The following JPH1 variants were observed in gnomAD, a reference collection of about 807,000 sequenced individuals.
JPH1 encodes junctophilin-1.
A neutral mutation model predicts 53.6 loss-of-function variants in JPH1; 12 were observed. The ratio of observed to expected loss-of-function variants is 0.22; its 90% confidence interval spans 0.14 to 0.36. JPH1 has a LOEUF of 0.36. Ranked by LOEUF, JPH1 falls within the 10% of genes least tolerant of loss-of-function variation. The probability of loss-of-function intolerance (pLI) is 1.00; values close to 1 mark genes in which losing one functional copy is unlikely to be tolerated. For synonymous variants in JPH1, 375 were observed against 363.8 expected, an observed-to-expected ratio of 1.03 and a Z score of -0.35; for missense variants, 808 against 905.5, an observed-to-expected ratio of 0.89 and a Z score of 1.38.
chr8:74,244,461 A>C lies in JPH1; in HGVS notation c.1905+68T>G. 1.1e-5 allele frequency: 17 copies of C among 1,494,584 alleles called. 1 individual carries two copies. In the South Asian group the frequency reaches 2.2e-4, roughly 20 times the overall value. 92.6% of individuals were successfully genotyped at this position (1,494,584 alleles called of 1,614,324 possible). The stretch of plus-strand genomic sequence containing the variant: ...CTGGCTGTGATCAAGATGCACAGTC[A>C]CCCCACACAGCTCGCTGAAAGAAAC... On this transcript the variant is annotated intron_variant, in intron 4 of 5. Transcript: ENST00000342232.
chr8:74,266,594 T>C (rs1309960348), intron 2 of JPH1, among the ~76,000 whole-genome samples: 1 of 152,216 alleles, frequency 6.6e-6, no homozygotes, highest in Admixed American at 6.5e-5. Context: ...TTTTGCAAGA[T>C]GAAAATGTTC....
At chr8:74,267,299 C>T (rs78623998) in intron 2 of JPH1, among the ~76,000 whole-genome samples, 5 of 152,128 alleles carry the variant, frequency 3.3e-5, no homozygotes, top group Admixed American at 6.5e-5. Context: ...GGGACTGAGA[C>T]AAAAGTGTCC....
At chr8:74,246,587 C>T (rs1309374925) in intron 3 of JPH1, among the ~76,000 whole-genome samples, 1 of 106,454 alleles carries the variant, frequency 9.4e-6, no homozygotes, top group Non-Finnish European at 1.8e-5. Flanking sequence ...GAAAGGGAAA[C>T]AGCTATAGCA....
At chr8:74,296,351 G>A (rs1025770077) in intron 2 of JPH1, among the ~76,000 whole-genome samples, 4 of 151,998 alleles carry the variant, frequency 2.6e-5, no homozygotes, top group Non-Finnish European at 5.9e-5. Context: ...TTTATTCTGG[G>A]TACAAACCCA....
intron 2 of JPH1, among the ~76,000 whole-genome samples, chr8:74,271,588 G>T (rs988898783): frequency 6.6e-6 from 1 of 152,194 alleles, no homozygotes; most frequent in Middle Eastern, 3.2e-3. Flanking sequence ...TCCATTTAAG[G>T]CAGAGAACCC....
chr8:74,245,515 C>T (rs965864808), intron 3 of JPH1, among the ~76,000 whole-genome samples: 1 of 152,196 alleles, frequency 6.6e-6, no homozygotes, highest in Non-Finnish European at 1.5e-5. Flanking sequence ...AAAGTGTATA[C>T]TTGTACAAGG....
intron 2 of JPH1, among the ~76,000 whole-genome samples, chr8:74,285,412 T>C (rs1296373587): frequency 1.3e-5 from 2 of 152,100 alleles, no homozygotes; most frequent in Non-Finnish European, 2.9e-5. Context: ...GCTCTTTATG[T>C]AATGATATGG....
chr8:74,288,298 A>T (rs1242878615), intron 2 of JPH1, among the ~76,000 whole-genome samples: 1 of 152,198 alleles, frequency 6.6e-6, no homozygotes, highest in Non-Finnish European at 1.5e-5. Flanking sequence ...TTTCAGCTGC[A>T]CCAGCACTTA....
At chr8:74,237,337 T>C (rs753272629) in intron 4 of JPH1, 34 bp from the exon 5 acceptor site, 1 of 1,505,154 alleles carries the variant, frequency 6.6e-7, no homozygotes. Flanking sequence ...AACTATAACT[T>C]CTCCATGTTA....
At chr8:74,256,031 T>C (rs143112437) in intron 3 of JPH1, among the ~76,000 whole-genome samples, 11,540 of 152,130 alleles carry the variant, frequency 0.076, 1,357 homozygotes, top group African/African-American at 0.25. Flanking sequence ...ACCCAGCCAT[T>C]CCATTACTGG....
At chr8:74,284,454 T>G (rs1023030642) in intron 2 of JPH1, among the ~76,000 whole-genome samples, 1 of 152,124 alleles carries the variant, frequency 6.6e-6, no homozygotes, top group Non-Finnish European at 1.5e-5. Context: ...CCTTATTTAG[T>G]CAGACTTCTC....
intron 2 of JPH1, among the ~76,000 whole-genome samples, chr8:74,287,921 G>T (rs569730176): frequency 1.3e-5 from 2 of 151,126 alleles, no homozygotes; most frequent in African/African-American, 4.9e-5. Flanking sequence ...CATCTATGTC[G>T]TTTTCAATAC....
intron 2 of JPH1, among the ~76,000 whole-genome samples, chr8:74,314,034 C>T (rs911631051): frequency 3.3e-5 from 5 of 152,112 alleles, no homozygotes; most frequent in African/African-American, 1.2e-4. Context: ...ACACATACAC[C>T]CCACTTGTCA....
At chr8:74,319,410 T>A (rs1808250417) in intron 1 of JPH1, among the ~76,000 whole-genome samples, 1 of 152,206 alleles carries the variant, frequency 6.6e-6, no homozygotes, top group Non-Finnish European at 1.5e-5. Flanking sequence ...AACTGACATA[T>A]TTACAGCGCT....
At position 74,309,710 on chromosome 8, in the gene JPH1, A is replaced by G. The variant is rs184303756; in HGVS notation, c.1139+5151T>C. The stretch of plus-strand genomic sequence containing the variant: ...GAAATATAGTTAAAATGACAGGAAC[A>G]GCTGAAGGAATTAAGGAGGCAAAAG... On this transcript the variant is annotated intron_variant, in intron 2 of 5. Coordinates refer to ENST00000342232, the MANE Select transcript of JPH1 (RefSeq NM_020647.4). Among the ~76,000 whole-genome samples the G allele has an allele frequency of 2.3e-3, 348 of 152,374 alleles. 1 individual carries two copies. The highest frequency in any genetic ancestry group is 3.7e-3 in the Non-Finnish European group (254 of 68,040).
intron 2 of JPH1, among the ~76,000 whole-genome samples, chr8:74,305,575 A>G (rs1386305406): frequency 6.6e-6 from 1 of 152,230 alleles, no homozygotes; most frequent in African/African-American, 2.4e-5. Flanking sequence ...TGTACTATTT[A>G]AGCAAGCTCA....
At chr8:74,310,517 G>C (rs1386604117) in intron 2 of JPH1, among the ~76,000 whole-genome samples, 3 of 152,076 alleles carry the variant, frequency 2.0e-5, no homozygotes, top group Non-Finnish European at 4.4e-5. Context: ...CTATATCTAC[G>C]ATGTGATATC....
intron 2 of JPH1, among the ~76,000 whole-genome samples, chr8:74,264,379 ACAAGTTATAT>A (rs1327569695): frequency 2.0e-5 from 3 of 152,210 alleles, no homozygotes; most frequent in Non-Finnish European, 2.9e-5. Flanking sequence ...CTGGTTTAAA[ACAAGTTATAT>A]CACCAGTGAA....
chr8:74,305,128 T>G (rs1407036911), intron 2 of JPH1, among the ~76,000 whole-genome samples: 1 of 152,254 alleles, frequency 6.6e-6, no homozygotes, highest in Non-Finnish European at 1.5e-5. Flanking sequence ...CTAAACACAA[T>G]GTTCATATTT....
Sources: allele counts gnomAD v4.1 joint callset (sites outside exome capture counted in the v4.1 genomes callset), GRCh38; gene constraint gnomAD v4.1.1; transcripts MANE v1.5; gene names NCBI Gene and HGNC (gene_info 2026-07-23, HGNC 2026-07-21).